HS3ST6: variants seen among roughly 807,000 people sequenced by gnomAD.
HS3ST6 encodes heparan sulfate glucosamine 3-O-sulfotransferase 6.
Under a neutral mutation model 11.0 loss-of-function variants are expected in HS3ST6, and 13 were observed. The observed-to-expected ratio is 1.18, with a 90% CI of 0.77 to 1.88. The LOEUF is 1.88. Among genes scored for constraint, HS3ST6 ranks in the 40% most tolerant of loss-of-function variants. The probability of loss-of-function intolerance (pLI) is 0.00; values close to 1 mark genes in which losing one functional copy is unlikely to be tolerated. For synonymous variants in HS3ST6, 232 were observed against 230.6 expected, an observed-to-expected ratio of 1.01 and a Z score of -0.06; for missense variants, 541 against 494.4, an observed-to-expected ratio of 1.09 and a Z score of -0.89.
At chr16:1,918,752 T>TC (rs900129657), upstream of HS3ST6, among the ~76,000 whole-genome samples, 57 of 147,666 alleles carry the variant, frequency 3.9e-4, no homozygotes, top group Middle Eastern at 6.9e-3. The surrounding 1 kb of genome is among the most constrained non-coding windows in gnomAD (Gnocchi z 6.0). Context: ...CCGATCCCCT[T>TC]CCCCCCCCAC....
In HS3ST6 at chr16:1,918,289, C is replaced by T. The variant is rs2082941387; in HGVS notation, c.35G>A (p.Gly12Glu). 2 of 828,752 alleles carry T rather than the reference C, an allele frequency of 2.4e-6. No individual in the cohort carries two copies. Among genetic ancestry groups the T allele is most frequent in the African/African-American group, 1.9e-5 (1 of 53,516 alleles). 51.3% of individuals were successfully genotyped at this position (828,752 alleles called of 1,614,324 possible). The change falls in exon 1 of 2, where the codon GGG becomes GAG. Residue 12 changes from glycine to glutamate, a missense_variant. By Grantham distance (98) the Gly-to-Glu change is moderately conservative (BLOSUM62 -2). Coordinates refer to ENST00000454677, the MANE Select transcript of HS3ST6 (RefSeq NM_001009606.4). This position sits in a 1 kb window ranked among gnomAD's most constrained non-coding sequence, Gnocchi z 6.0. ...AGSGGLGGGAGGGQGAGAGQG... is the reference protein window; with the variant it reads ...AGSGGLGGGAEGGQGAGAGQG... ...CCCGGCCCCTGCGCCCTGGCCGCCC[C>T]CGGCCCCGCCGCCCAGGCCGCCGCT...
chr16:1,912,084 C>T lies in HS3ST6; in HGVS notation c.535G>A (p.Val179Met). Residue 179 changes from valine to methionine, a missense_variant, in exon 2 of 2, where the codon GTG becomes ATG. Physicochemically the swap from Val to Met is conservative, Grantham distance 21. Coordinates refer to ENST00000454677, the MANE Select transcript of HS3ST6 (RefSeq NM_001009606.4). The surrounding 1 kb of genome is among the most constrained non-coding windows in gnomAD (Gnocchi z 5.6). ...AMSPDTKLIV[V>M]VRNPVTRAIS... is the part of the protein sequence containing the mutation. ...GCCCGGGTCACGGGGTTCCGCACCA[C>T]CACGATCAGCTTCGTGTCCGGGGAC... 2 of 1,510,188 alleles carry T rather than the reference C, an allele frequency of 1.3e-6. No homozygotes were observed. The highest frequency in any genetic ancestry group is 2.3e-5 in the East Asian group (1 of 42,722). 93.5% of individuals were successfully genotyped at this position (1,510,188 alleles called of 1,614,324 possible). A position where few individuals can be genotyped will look rare whatever the true frequency, so the allele number is the denominator to read the frequency against.
At position 1,918,006 on chromosome 16, in the gene HS3ST6, C is replaced by G. The variant is rs779409086; in HGVS notation, c.318G>C (p.Leu106=). 17 of 1,546,084 alleles carry G rather than the reference C, an allele frequency of 1.1e-5. No homozygotes were observed. The African/African-American group carries it at 2.1e-4, about 19-fold the overall frequency. Residue 106 remains leucine (L), a synonymous_variant, in exon 1 of 2, where the codon CTG becomes CTC. Transcript: ENST00000454677. This position sits in a 1 kb window ranked among gnomAD's most constrained non-coding sequence, Gnocchi z 6.0. ...CGGGGTGCAGCCGCAGAAACTCCAG[C>G]AGGGCGCGCGTGCCGCCCTTCTTCA... is the stretch of plus-strand genomic sequence containing the variant. The part of the protein sequence containing the change: ...VGVKKGGTRA[L]LEFLRLHPDV...
intron 1 of HS3ST6, among the ~76,000 whole-genome samples, chr16:1,914,319 T>C (rs2082911932): frequency 6.6e-6 from 1 of 152,152 alleles, no homozygotes; most frequent in African/African-American, 2.4e-5. Context: ...GTCTGAGGCC[T>C]GGCAGCTCAG....
chr16:1,916,204 A>G (rs1348122333), intron 1 of HS3ST6, among the ~76,000 whole-genome samples: 1 of 152,240 alleles, frequency 6.6e-6, no homozygotes, highest in African/African-American at 2.4e-5. Flanking sequence ...GCGGAAGCTC[A>G]GCAGGCCCAG....
intron 1 of HS3ST6, among the ~76,000 whole-genome samples, chr16:1,913,541 C>T (rs1334318624): frequency 1.3e-5 from 2 of 152,142 alleles, no homozygotes; most frequent in Admixed American, 6.5e-5. Context: ...GCAAACAGCT[C>T]GGAGGGAGAG....
upstream of HS3ST6, among the ~76,000 whole-genome samples, chr16:1,920,256 G>A (rs936287081): frequency 3.3e-5 from 4 of 121,154 alleles, no homozygotes; most frequent in Non-Finnish European, 3.6e-5. Flanking sequence ...GAGTCCCCAC[G>A]GTCTCAGCAG....
upstream of HS3ST6, among the ~76,000 whole-genome samples, chr16:1,919,345 C>T (rs963904909): frequency 2.0e-5 from 3 of 152,216 alleles, no homozygotes; most frequent in Admixed American, 2.0e-4. Flanking sequence ...GTGGGACCTG[C>T]GGGGGCCGCT....
intron 1 of HS3ST6, among the ~76,000 whole-genome samples, chr16:1,915,600 A>G (rs192343677): frequency 6.6e-6 from 1 of 152,320 alleles, no homozygotes; most frequent in Admixed American, 6.5e-5. Context: ...CTAAAAGATG[A>G]TGGTCAAAGT....
At chr16:1,915,019 C>T (rs1002016837) in intron 1 of HS3ST6, among the ~76,000 whole-genome samples, 4 of 152,278 alleles carry the variant, frequency 2.6e-5, no homozygotes, top group Admixed American at 1.3e-4. Context: ...CAGCCCTGGG[C>T]GACCCTCCCT....
At chr16:1,915,181 C>T (rs2082917795) in intron 1 of HS3ST6, among the ~76,000 whole-genome samples, 1 of 152,238 alleles carries the variant, frequency 6.6e-6, no homozygotes. Context: ...ACTCAGACCC[C>T]ACTCCCTGCA....
In HS3ST6 at chr16:1,912,037, C is replaced by G. The variant is rs375260473; in HGVS notation, c.582G>C (p.Thr194=). 6.6e-7 allele frequency: 1 copy of G among 1,520,322 alleles called. No individual in the cohort carries two copies. Among genetic ancestry groups the G allele is most frequent in the African/African-American group, 1.4e-5 (1 of 71,556 alleles). The allele number at this position is 1,520,322 out of a possible 1,614,324, so 94.2% of individuals were successfully genotyped here. Residue 194 remains threonine, a synonymous_variant, in exon 2 of 2, where the codon ACG becomes ACC. Transcript: ENST00000454677. This position sits in a 1 kb window ranked among gnomAD's most constrained non-coding sequence, Gnocchi z 5.6. The part of the protein sequence containing the change: ...VTRAISDYAQ[T]LSKTPGLPSF... Reference sequence around the variant, plus strand: ...TGGGCAGGCCCGGGGTCTTGGAGAGCGTCTGGGCGTAGTCGGAGATGGCCC... The same window carrying G: ...TGGGCAGGCCCGGGGTCTTGGAGAGGGTCTGGGCGTAGTCGGAGATGGCCC...
chr16:1,913,223 A>C (rs2082903679), intron 1 of HS3ST6, among the ~76,000 whole-genome samples: 1 of 152,168 alleles, frequency 6.6e-6, no homozygotes, highest in South Asian at 2.1e-4. Flanking sequence ...CGGCCGGAGG[A>C]TCCTTCCCAA....
Position 1,918,339 on chromosome 16 carries a change from CAGGCCCGGGAGCGGGGGCAG to C in HS3ST6, c.-36_-17del. 2.5e-6 allele frequency: 1 copy of C among 395,638 alleles called. No individual in the cohort carries two copies. The highest frequency in any genetic ancestry group is 3.5e-6 in the Non-Finnish European group (1 of 289,020). The allele number at this position is 395,638 out of a possible 1,614,324, so 24.5% of individuals were successfully genotyped here. On this transcript the variant is annotated 5_prime_UTR_variant, in exon 1 of 2. Transcript: ENST00000454677. The surrounding 1 kb of genome is among the most constrained non-coding windows in gnomAD (Gnocchi z 6.0). ...TACCTGCCATGGGGTCGCGCCGCTC[CAGGCCCGGGAGCGGGGGCAG>C]CAGGCGGGCGCGCATCTCGGCCCGC...
chr16:1,915,731 G>A (rs2082921011), intron 1 of HS3ST6, among the ~76,000 whole-genome samples: 1 of 152,250 alleles, frequency 6.6e-6, no homozygotes, highest in African/African-American at 2.4e-5. Flanking sequence ...CTGAGCATGT[G>A]CTGAGCTCGG....
intron 1 of HS3ST6, among the ~76,000 whole-genome samples, chr16:1,913,890 A>G (rs2082908963): frequency 6.6e-6 from 1 of 152,040 alleles, no homozygotes; most frequent in South Asian, 2.1e-4. Context: ...GCGGGAGAGA[A>G]TCCAGGCTTC....
In HS3ST6 at chr16:1,917,897, G is replaced by A. The variant is rs2082937058; in HGVS notation, c.413+14C>T. 4.9e-6 allele frequency: 7 copies of A among 1,425,956 alleles called. No individual in the cohort carries two copies. The highest frequency in any genetic ancestry group is 6.4e-6 in the Non-Finnish European group (7 of 1,087,700). The allele number at this position is 1,425,956 out of a possible 1,614,324, so 88.3% of individuals were successfully genotyped here. On this transcript the variant is annotated intron_variant, in intron 1 of 1. Transcript: ENST00000454677. ...GGAAGGCGCCGGTCAGGGCGGACGG[G>A]CCAGGGTGCTCACCGGTACCAGGCG...
At chr16:1,920,688 G>T (rs1333486435), upstream of HS3ST6, among the ~76,000 whole-genome samples, 1 of 152,198 alleles carries the variant, frequency 6.6e-6, no homozygotes, top group Non-Finnish European at 1.5e-5. Flanking sequence ...ATGGACTGGG[G>T]ACAGGGAGAG....
rs1188781827 is a variant in HS3ST6 at position 1,918,377 on chromosome 16, C to A, written c.-54G>T. ...GGGGGCAGCAGGCGGGCGCGCATCT[C>A]GGCCCGCGCGCCGCTCAGTCCGTGG... On this transcript the variant is annotated 5_prime_UTR_variant, in exon 1 of 2. Transcript: ENST00000454677. This position sits in a 1 kb window ranked among gnomAD's most constrained non-coding sequence, Gnocchi z 6.0. The A allele has an allele frequency of 4.9e-6, 1 of 205,766 alleles. No homozygotes were observed. Among genetic ancestry groups the A allele is most frequent in the Non-Finnish European group, 8.7e-6 (1 of 115,292 alleles). The allele number at this position is 205,766 out of a possible 1,614,324, so 12.7% of individuals were successfully genotyped here. A position where few individuals can be genotyped will look rare whatever the true frequency, so the allele number is the denominator to read the frequency against.
Sources: gnomAD v4.1 joint callset for allele counts (sites outside exome capture counted in the v4.1 genomes callset) on GRCh38, gnomAD v4.1.1 for gene constraint, Gnocchi (gnomAD v3.1) non-coding constraint, MANE v1.5 for transcripts, NCBI Gene and HGNC (gene_info 2026-07-23, HGNC 2026-07-21) for gene names.